HSD17B12: variants seen among roughly 807,000 people sequenced by gnomAD.
HSD17B12 encodes the protein very-long-chain 3-oxoacyl-CoA reductase.
A neutral mutation model predicts 39.3 loss-of-function variants in HSD17B12; 32 were observed. That is an observed-to-expected ratio of 0.81 (90% CI 0.61 to 1.09). The LOEUF (loss-of-function observed/expected upper bound fraction) is 1.09, where lower values mean the gene tolerates loss of function less well. Ranked by LOEUF, HSD17B12 falls within the 50% of genes least tolerant of loss-of-function variation. The probability of loss-of-function intolerance (pLI) is 0.00; values close to 1 mark genes in which losing one functional copy is unlikely to be tolerated. For missense variants in HSD17B12, 342 were observed against 382.9 expected (o/e 0.89, Z 0.89); for synonymous variants, 150 against 146.7 (o/e 1.02, Z -0.16).
At chr11:43,662,307 T>C in the HSD17B12 span, among the ~76,000 whole-genome samples, 1 of 151,344 alleles carries the variant, frequency 6.6e-6, no homozygotes, top group Admixed American at 6.6e-5. Context: ...CAGACAGTTC[T>C]CCTGTCTTAC....
chr11:43,804,923 C>T (rs1951004377), intron 4 of HSD17B12, among the ~76,000 whole-genome samples: 1 of 152,136 alleles, frequency 6.6e-6, no homozygotes, highest in Admixed American at 6.6e-5. Flanking sequence ...ATGGCAAACT[C>T]CTAGTTAATT....
At chr11:43,782,862 C>T (rs1237096740) in intron 3 of HSD17B12, among the ~76,000 whole-genome samples, 4 of 152,064 alleles carry the variant, frequency 2.6e-5, no homozygotes, top group African/African-American at 9.7e-5. Flanking sequence ...GCAGACACTA[C>T]CTTAATAAGA....
chr11:43,625,632 G>T, the HSD17B12 span, among the ~76,000 whole-genome samples: 1 of 151,270 alleles, frequency 6.6e-6, no homozygotes, highest in Non-Finnish European at 1.5e-5. Flanking sequence ...TATATAAAAA[G>T]TATGCTATCC....
chr11:43,658,472 A>G, the HSD17B12 span, among the ~76,000 whole-genome samples: 37 of 152,152 alleles, frequency 2.4e-4, no homozygotes, highest in African/African-American at 8.4e-4. Context: ...AGGCACTCTG[A>G]TTTTTAGAGT....
chr11:43,663,462 C>T, the HSD17B12 span, among the ~76,000 whole-genome samples: 2 of 152,058 alleles, frequency 1.3e-5, no homozygotes, highest in Admixed American at 1.3e-4. Context: ...AAACTCCTAG[C>T]CTCAAGCAGT....
chr11:43,726,856 C>T (rs981143051), intron 1 of HSD17B12, among the ~76,000 whole-genome samples: 1 of 152,068 alleles, frequency 6.6e-6, no homozygotes, highest in Admixed American at 6.6e-5. Flanking sequence ...CTGTTAAAAC[C>T]TGATGTAAGA....
Position 43,830,828 on chromosome 11 carries a change from C to G in HSD17B12, c.502-148C>G, listed in dbSNP as rs1034429136. ...TATGCCCTCTTGACACAGTCACATT[C>G]TACAGTGTACAGAAAATAACCTGCT... On this transcript the variant is annotated intron_variant, in intron 6 of 10. Transcript: ENST00000278353. 5.2e-6 allele frequency: 3 copies of G among 579,614 alleles called. No homozygotes were observed. In the African/African-American group the frequency reaches 5.7e-5, roughly 11 times the overall value. The allele number at this position is 579,614 out of a possible 1,614,324, so 35.9% of individuals were successfully genotyped here.
At chr11:43,616,217 G>T in the HSD17B12 span, among the ~76,000 whole-genome samples, 1 of 152,168 alleles carries the variant, frequency 6.6e-6, no homozygotes, top group East Asian at 1.9e-4. Flanking sequence ...AGACCAGCCT[G>T]GGCAACACGG....
the HSD17B12 span, among the ~76,000 whole-genome samples, chr11:43,637,150 ATG>A: frequency 1.3e-5 from 2 of 151,934 alleles, no homozygotes; most frequent in Admixed American, 6.6e-5. Context: ...CTCTCAGTAA[ATG>A]TGAAAGCTAA....
chr11:43,694,813 G>GA (rs148110473), intron 1 of HSD17B12, among the ~76,000 whole-genome samples: 3,909 of 152,000 alleles, frequency 0.026, 166 homozygotes, highest in African/African-American at 0.088. Flanking sequence ...CAGACCTACA[G>GA]AAAAAAAATC....
At chr11:43,810,369 A>G (rs10768982) in intron 4 of HSD17B12, among the ~76,000 whole-genome samples, 1 of 78,398 alleles carries the variant, frequency 1.3e-5, no homozygotes. Flanking sequence ...TTTAGAAATT[A>G]TATATATATA....
the HSD17B12 span, among the ~76,000 whole-genome samples, chr11:43,592,228 G>T: frequency 6.6e-6 from 1 of 151,280 alleles, no homozygotes; most frequent in South Asian, 2.1e-4. Flanking sequence ...CTTATGAAGG[G>T]ATTATACATG....
chr11:43,742,299 G>A (rs1262162927), intron 1 of HSD17B12, among the ~76,000 whole-genome samples: 4 of 151,302 alleles, frequency 2.6e-5, no homozygotes, highest in East Asian at 2.0e-4. Flanking sequence ...TACCACATTG[G>A]CTAATTTTCT....
rs865826466 is a variant in HSD17B12, at chr11:43,733,862, G to A, written c.161-17049G>A. On this transcript the variant is annotated intron_variant, in intron 1 of 10. Transcript: ENST00000278353. ...TTATATAATGTGGATGCTGGGCACA[G>A]AGCTGCGATCTTTGACCAATTCCAT... is the stretch of plus-strand genomic sequence containing the variant. 9 of 677,594 alleles carry A rather than the reference G, an allele frequency of 1.3e-5. No individual in the cohort carries two copies. The Middle Eastern group carries it at 2.2e-3, about 168-fold the overall frequency. The allele number at this position is 677,594 out of a possible 1,614,324, so 42.0% of individuals were successfully genotyped here. A position where few individuals can be genotyped will look rare whatever the true frequency, so the allele number is the denominator to read the frequency against.
the HSD17B12 span, among the ~76,000 whole-genome samples, chr11:43,578,348 G>A: frequency 6.6e-6 from 1 of 152,136 alleles, no homozygotes; most frequent in African/African-American, 2.4e-5. Context: ...CCGATACAGG[G>A]TAACAGGGGT....
At chr11:43,816,016 A>G (rs866489214) in intron 5 of HSD17B12, among the ~76,000 whole-genome samples, 2 of 152,326 alleles carry the variant, frequency 1.3e-5, no homozygotes, top group Admixed American at 6.5e-5. Flanking sequence ...TGAAAATCCT[A>G]GGTTCAGTAA....
At chr11:43,679,023 G>A (rs1949716833), upstream of HSD17B12, among the ~76,000 whole-genome samples, 1 of 152,136 alleles carries the variant, frequency 6.6e-6, no homozygotes, top group Non-Finnish European at 1.5e-5. Context: ...CATTACCTTG[G>A]GCAGTATGGC....
chr11:43,774,914 A>G lies in HSD17B12; in HGVS notation c.283+20793A>G, dbSNP rs1040887875. On this transcript the variant is annotated intron_variant, in intron 3 of 10. Transcript: ENST00000278353. ...TTGGTTACATTATATGGCAAAGGCA[A>G]TGGGAGTTTATAGATATTATTAAGG... is the stretch of plus-strand genomic sequence containing the variant. Among the ~76,000 whole-genome samples the G allele has an allele frequency of 1.4e-4, 22 of 152,156 alleles. 1 individual carries two copies. The highest frequency in any genetic ancestry group is 1.3e-4 in the Admixed American group (2 of 15,272).
intron 4 of HSD17B12, among the ~76,000 whole-genome samples, chr11:43,808,389 G>C (rs1315935940): frequency 6.6e-6 from 1 of 151,940 alleles, no homozygotes; most frequent in African/African-American, 2.4e-5. Flanking sequence ...GCTGAGATTG[G>C]ATTTGTAAAG....
Sources: gnomAD v4.1 joint callset for allele counts (sites outside exome capture counted in the v4.1 genomes callset) on GRCh38, gnomAD v4.1.1 for gene constraint, MANE v1.5 for transcripts, NCBI Gene and HGNC (gene_info 2026-07-23, HGNC 2026-07-21) for gene names.